Variants in APOB observed in about 807,000 individuals in gnomAD.
APOB encodes the protein apolipoprotein B-100.
APOB carries 153 observed loss-of-function variants against 314.1 expected under a neutral mutation model. The observed-to-expected ratio is 0.49, with a 90% confidence interval of 0.43 to 0.56. APOB has a LOEUF of 0.56. Ranked by LOEUF, APOB falls within the 20% of genes least tolerant of loss-of-function variation. The pLI is 0.00. For synonymous variants in APOB, 2,087 were observed against 2,036.4 expected, an observed-to-expected ratio of 1.02 and a Z score of -0.67; for missense variants, 5,430 against 5,350.7, an observed-to-expected ratio of 1.01 and a Z score of -0.46.
intron 18 of APOB, among the ~76,000 whole-genome samples, chr2:21,021,363 C>A (rs1663602012): frequency 6.6e-6 from 1 of 152,196 alleles, no homozygotes; most frequent in African/African-American, 2.4e-5. Context: ...CCATTATCAG[C>A]TCTTAGCCAC....
At chr2:21,029,871 G>A (rs778292243) in intron 11 of APOB, 27 bp downstream of exon 11, 4 of 1,607,114 alleles carry the variant, frequency 2.5e-6, no homozygotes, top group Non-Finnish European at 3.4e-6. Context: ...CTGAAATGAT[G>A]TATGTCATAT....
rs191606984 is a variant in APOB, at chr2:21,021,388, G to C, written c.2816+1443C>G. ...CTCTTAGCCACATAGGATCGTAAGA[G>C]ATGTCCAATGGTCTCTTCGTGTCCA... is the stretch of plus-strand genomic sequence containing the variant. On this transcript the variant is annotated intron_variant, in intron 18 of 28. Coordinates refer to ENST00000233242, the MANE Select transcript of APOB (RefSeq NM_000384.3). 2.7e-3 allele frequency among the ~76,000 whole-genome samples: 407 copies of C among 152,282 alleles called. 7 individuals carry two copies. Among genetic ancestry groups the C allele is most frequent in the Admixed American group, 0.022 (332 of 15,300 alleles).
In APOB at chr2:21,034,820, A is replaced by T. The variant is rs549628916; in HGVS notation, c.900T>A (p.Gly300=). Residue 300 remains glycine (G), a synonymous_variant, in exon 8 of 29, where the codon GGT becomes GGA. Coordinates refer to ENST00000233242, the MANE Select transcript of APOB (RefSeq NM_000384.3). Reference sequence around the variant, plus strand: ...TATGTGGACAGAAACTCTTACCTTCACCAAAGAAGCGGCTGTTGATCTTTG... The same window carrying T: ...TATGTGGACAGAAACTCTTACCTTCTCCAAAGAAGCGGCTGTTGATCTTTG... ...DTPKINSRFF[G]EGTKKMGLAF... 10 of 1,583,198 alleles carry T rather than the reference A, an allele frequency of 6.3e-6. No individual in the cohort carries two copies. In the South Asian group the frequency reaches 9.9e-5, roughly 16 times the overall value.
rs575790510 is a variant in APOB, at chr2:21,038,753, C to T, written c.384-642G>A. ...AGTGGTTGTTCCATTTGTTTCTGCACACTCATACAATCCTCTGTAAACATG... is the reference window on the plus strand; with the variant it reads ...AGTGGTTGTTCCATTTGTTTCTGCATACTCATACAATCCTCTGTAAACATG... On this transcript the variant is annotated intron_variant, in intron 4 of 28. Transcript: ENST00000233242. Among the ~76,000 whole-genome samples the T allele has an allele frequency of 2.6e-5, 4 of 152,362 alleles. No homozygotes were observed. In the East Asian group the frequency reaches 5.8e-4, roughly 22 times the overall value.
At chr2:21,041,149 C>T in intron 3 of APOB, 66 bp from the exon 4 acceptor site, 2 of 1,543,046 alleles carry the variant, frequency 1.3e-6, no homozygotes, top group Non-Finnish European at 1.8e-6. Flanking sequence ...CCCTGAAGCC[C>T]AGGGCTTAAT....
chr2:21,038,330 T>C (rs968499900), intron 4 of APOB, among the ~76,000 whole-genome samples: 1 of 152,166 alleles, frequency 6.6e-6, no homozygotes, highest in African/African-American at 2.4e-5. Flanking sequence ...TTTTTTCTTT[T>C]TTTCTTTTTT....
chr2:21,008,046 G>C lies in APOB; in HGVS notation c.8822C>G (p.Thr2941Arg), dbSNP rs768600483. Residue 2941 changes from threonine (T) to arginine (R), a missense_variant, in exon 26 of 29, where the codon ACA becomes AGA. By Grantham distance (71) the Thr-to-Arg change is moderately conservative. This residue lies in a region of APOB where 3,281 missense variants were observed against 3,171.0 expected (regional missense o/e 1.03). Transcript: ENST00000233242. ...WACPRFSDEGTHESQISFTIE... is the reference protein window; with the variant it reads ...WACPRFSDEGRHESQISFTIE... Reference sequence around the variant, plus strand: ...GGTGAAACTAATTTGTGATTCATGTGTTCCCTCATCTGAGAATCTGGGGCA... The same window carrying C: ...GGTGAAACTAATTTGTGATTCATGTCTTCCCTCATCTGAGAATCTGGGGCA... The C allele has an allele frequency of 6.2e-7, 1 of 1,614,084 alleles. No individual in the cohort carries two copies. The highest frequency in any genetic ancestry group is 8.5e-7 in the Non-Finnish European group (1 of 1,179,952).
In APOB at chr2:21,011,859, T is replaced by C. The variant is rs763419454; in HGVS notation, c.5009A>G (p.Glu1670Gly). The C allele has an allele frequency of 6.2e-7, 1 of 1,614,128 alleles. No homozygotes were observed. The highest frequency in any genetic ancestry group is 8.5e-7 in the Non-Finnish European group (1 of 1,180,030). The change falls in exon 26 of 29, where the codon GAG (glutamate) becomes GGG (glycine). Residue 1670 changes from glutamate (E) to glycine (G), a missense_variant. By Grantham distance (98) the Glu-to-Gly change is moderately conservative. Around this residue, in one of 3 missense-constraint regions of APOB, gnomAD observed 2,085 missense variants for 2,079.7 expected, o/e 1.00. Coordinates refer to ENST00000233242, the MANE Select transcript of APOB (RefSeq NM_000384.3). Reference sequence around the variant, plus strand: ...AGAGAGGCCAAGCTCTGCATTCAGCTCATTCTCCAGCACCAGGAGACTACA... The same window carrying C: ...AGAGAGGCCAAGCTCTGCATTCAGCCCATTCTCCAGCACCAGGAGACTACA... ...LKCSLLVLEN[E>G]LNAELGLSGA... is the part of the protein sequence containing the mutation.
intron 24 of APOB, 69 bp downstream of exon 24, chr2:21,014,379 A>G: frequency 1.3e-6 from 2 of 1,577,664 alleles, no homozygotes; most frequent in Non-Finnish European, 1.7e-6. Context: ...AAAATGTCTA[A>G]ATCATGCTAT....
chr2:21,030,318 C>A (rs2103377360), intron 10 of APOB, among the ~76,000 whole-genome samples: 1 of 152,284 alleles, frequency 6.6e-6, no homozygotes, highest in South Asian at 2.1e-4. Flanking sequence ...GTCAACGGAT[C>A]TTTGACAAAA....
intron 18 of APOB, 55 bp downstream of exon 18, chr2:21,022,776 A>G: frequency 1.9e-6 from 3 of 1,561,978 alleles, no homozygotes; most frequent in Non-Finnish European, 2.6e-6. Context: ...TTCTGCAGGT[A>G]CATTCTCTGT....
rs751121092 is a variant in APOB, at chr2:21,003,346, GA to G, written c.12088-13del. 0.012 allele frequency: 14,397 copies of G among 1,174,020 alleles called. 31 individuals are homozygous for G. Among genetic ancestry groups the G allele is most frequent in the East Asian group, 0.052 (1,696 of 32,424 alleles). 72.7% of individuals were successfully genotyped at this position (1,174,020 alleles called of 1,614,324 possible). Reference sequence around the variant, plus strand: ...TTATCTGGAGAGGACTAAACAGAGAGAAAAAAAAAAATAACATGTTTTCAAT... The same window carrying G: ...TTATCTGGAGAGGACTAAACAGAGAGAAAAAAAAAATAACATGTTTTCAAT... On this transcript the variant is annotated splice_polypyrimidine_tract_variant and intron_variant, in intron 28 of 28. Transcript: ENST00000233242.
chr2:21,007,570 G>C lies in APOB; in HGVS notation c.9298C>G (p.Gln3100Glu), dbSNP rs147670126. The change falls in exon 26 of 29, where the codon CAA becomes GAA. Residue 3100 changes from glutamine (Q) to glutamate (E), a missense_variant. Physicochemically the swap from Gln to Glu is conservative, Grantham distance 29 (BLOSUM62 2). This residue lies in a region of APOB where 3,281 missense variants were observed against 3,171.0 expected (regional missense o/e 1.03). Coordinates refer to ENST00000233242, the MANE Select transcript of APOB (RefSeq NM_000384.3). Reference sequence around the variant, plus strand: ...TCGTTGTTTCCAGCAGAGAAATTTTGGTTGTACTTATACTGATTGAACCTA... The same window carrying C: ...TCGTTGTTTCCAGCAGAGAAATTTTCGTTGTACTTATACTGATTGAACCTA... ...SARFNQYKYN[Q>E]NFSAGNNENI... 5 of 1,613,892 alleles carry C rather than the reference G, an allele frequency of 3.1e-6. No homozygotes were observed. The highest frequency in any genetic ancestry group is 4.2e-6 in the Non-Finnish European group (5 of 1,179,956).
Position 21,009,976 on chromosome 2 carries a change from A to T in APOB, c.6892T>A (p.Leu2298Ile), listed in dbSNP as rs1663260806. 1.2e-6 allele frequency: 2 copies of T among 1,613,846 alleles called. No individual in the cohort carries two copies. Among genetic ancestry groups the T allele is most frequent in the Admixed American group, 3.3e-5 (2 of 60,024 alleles). The change falls in exon 26 of 29, where the codon TTA becomes ATA. Residue 2298 changes from leucine to isoleucine, a missense_variant. Physicochemically the swap from Leu to Ile is conservative, Grantham distance 5. Around this residue, in one of 3 missense-constraint regions of APOB, gnomAD observed 3,281 missense variants for 3,171.0 expected, o/e 1.03. Transcript: ENST00000233242. The part of the protein sequence containing the change: ...HIEAIDVRVL[L>I]DQLGTTISFE... ...GAAATTGTAGTTCCCAATTGATCTA[A>T]AAGCACTCTAACATCAATAGCCTCA... is the stretch of plus-strand genomic sequence containing the variant.
intron 28 of APOB, 26 bp from the exon 29 acceptor site, chr2:21,003,360 A>G (rs1465199688): frequency 1.3e-6 from 2 of 1,594,506 alleles, no homozygotes; most frequent in East Asian, 2.2e-5. Flanking sequence ...AAAAAAAATA[A>G]CATGTTTTCA....
chr2:21,010,224 T>A lies in APOB; in HGVS notation c.6644A>T (p.His2215Leu), dbSNP rs1457257170. The stretch of plus-strand genomic sequence containing the variant: ...TACTAAATTTACACGGATATGATAG[T>A]GCTCATCAAGACTTTTTAATTTTTC... ...IIEKLKSLDE[H>L]YHIRVNLVKT... Residue 2215 changes from histidine (H) to leucine (L), a missense_variant, in exon 26 of 29, where the codon CAC becomes CTC. Physicochemically the swap from His to Leu is moderately conservative, Grantham distance 99. This residue lies in a region of APOB where 3,281 missense variants were observed against 3,171.0 expected (regional missense o/e 1.03). Transcript: ENST00000233242. The A allele has an allele frequency of 6.3e-7, 1 of 1,575,678 alleles. No individual in the cohort carries two copies.
chr2:21,014,425 GC>G, intron 24 of APOB, 22 bp downstream of exon 24: 1 of 1,613,738 alleles, frequency 6.2e-7, no homozygotes, highest in Non-Finnish European at 8.5e-7. Flanking sequence ...GGTTCAAGAA[GC>G]CTTGCTGCTT....
At position 21,008,980 on chromosome 2, in the gene APOB, G is replaced by T. The variant is rs769084073; in HGVS notation, c.7888C>A (p.Gln2630Lys). The T allele has an allele frequency of 1.9e-6, 3 of 1,614,004 alleles. No individual in the cohort carries two copies. In the East Asian group the frequency reaches 6.7e-5, roughly 36 times the overall value. Residue 2630 changes from glutamine (Q) to lysine (K), a missense_variant, in exon 26 of 29, where the codon CAG (glutamine) becomes AAG (lysine). Gln to Lys is a moderately conservative substitution (Grantham distance 53). Around this residue, in one of 3 missense-constraint regions of APOB, gnomAD observed 3,281 missense variants for 3,171.0 expected, o/e 1.03. Transcript: ENST00000233242. ...TTTTTTAAGTCTTTGAAGTTTATCT[G>T]AACTGATGGAATCCTCAAATCTGTT... ...PLTDLRIPSV[Q>K]INFKDLKNIK...
At chr2:21,026,683 TC>T (rs1187681873) in intron 15 of APOB, 104 bp downstream of exon 15, 4 of 958,832 alleles carry the variant, frequency 4.2e-6, no homozygotes, top group Non-Finnish European at 6.8e-6. Flanking sequence ...ACCATAGTTA[TC>T]CCTTCAGTTA....
Sources: allele counts gnomAD v4.1 joint callset (sites outside exome capture counted in the v4.1 genomes callset), GRCh38; gene constraint gnomAD v4.1.1; regional missense constraint gnomAD v4.1.1; transcripts MANE v1.5; gene names NCBI Gene and HGNC (gene_info 2026-07-23, HGNC 2026-07-21).